Variants in CPPED1 observed in about 807,000 individuals in gnomAD.
CPPED1 encodes the protein calcineurin like phosphoesterase domain containing 1.
A neutral mutation model predicts 28.0 loss-of-function variants in CPPED1; 28 were observed. That is an observed-to-expected ratio of 1.00 (90% CI 0.74 to 1.37). CPPED1 has a LOEUF of 1.37. CPPED1 is among the 40% of genes most tolerant of loss of function. The pLI, the probability that CPPED1 is intolerant of heterozygous loss-of-function variation, is 0.00. For synonymous variants in CPPED1, 198 were observed against 180.2 expected (o/e 1.10, Z -0.79); for missense variants, 504 against 416.5 (o/e 1.21, Z -1.83).
chr16:12,793,504 T>G (rs537096817), intron 1 of CPPED1, among the ~76,000 whole-genome samples: 1 of 152,330 alleles, frequency 6.6e-6, no homozygotes, highest in South Asian at 2.1e-4. Flanking sequence ...ACCAGCTACG[T>G]GACATGATGC....
chr16:12,731,696 G>A (rs1164282461), intron 2 of CPPED1, among the ~76,000 whole-genome samples: 1 of 151,366 alleles, frequency 6.6e-6, no homozygotes, highest in Non-Finnish European at 1.5e-5. Context: ...GCATTTGTCA[G>A]TTTTTCTGTG....
chr16:12,792,496 C>T (rs907694576), intron 1 of CPPED1, among the ~76,000 whole-genome samples: 8 of 152,108 alleles, frequency 5.3e-5, no homozygotes, highest in Admixed American at 5.2e-4. Context: ...GGTTGAAAAA[C>T]CCTGTTTAAG....
At chr16:12,688,193 C>T (rs11864702) in intron 3 of CPPED1, among the ~76,000 whole-genome samples, 2,268 of 151,882 alleles carry the variant, frequency 0.015, 50 homozygotes, top group African/African-American at 0.051. Context: ...ACAACACTCA[C>T]ACAATCTTAA....
At chr16:12,673,727 T>G (rs1309571325) in intron 3 of CPPED1, among the ~76,000 whole-genome samples, 1 of 152,060 alleles carries the variant, frequency 6.6e-6, no homozygotes, top group African/African-American at 2.4e-5. Context: ...TTCTTAAGAG[T>G]AGCAAAGATG....
At chr16:12,683,200 G>C (rs2079914894) in intron 3 of CPPED1, among the ~76,000 whole-genome samples, 1 of 152,086 alleles carries the variant, frequency 6.6e-6, no homozygotes, top group Non-Finnish European at 1.5e-5. Context: ...TGAATAACTG[G>C]GCCAAGAAAA....
chr16:12,794,535 C>CAT (rs1035951992), intron 1 of CPPED1, among the ~76,000 whole-genome samples: 10 of 145,164 alleles, frequency 6.9e-5, no homozygotes, highest in African/African-American at 2.3e-4. Flanking sequence ...GTACAGGTTG[C>CAT]ATATCTCTTA....
chr16:12,800,997 C>T (rs943432044), intron 1 of CPPED1, among the ~76,000 whole-genome samples: 1 of 152,202 alleles, frequency 6.6e-6, no homozygotes, highest in South Asian at 2.1e-4. Context: ...CCTCTGAGAG[C>T]ATGTAACTTG....
At chr16:12,677,044 G>A (rs12930451) in intron 3 of CPPED1, among the ~76,000 whole-genome samples, 93,749 of 152,034 alleles carry the variant, frequency 0.62, 33,604 homozygotes, top group Non-Finnish European at 0.82. Context: ...GGAATATCAC[G>A]AGCGAGTGAA....
chr16:12,701,934 G>A (rs2080022925), intron 3 of CPPED1, among the ~76,000 whole-genome samples: 1 of 151,804 alleles, frequency 6.6e-6, no homozygotes, highest in Non-Finnish European at 1.5e-5. Context: ...TAACCCCCCT[G>A]TTTTCTCATG....
intron 2 of CPPED1, among the ~76,000 whole-genome samples, chr16:12,741,699 G>A (rs907908871): frequency 4.1e-4 from 63 of 152,270 alleles, no homozygotes; most frequent in Middle Eastern, 3.4e-3. Context: ...GTATATGATG[G>A]TAATCACCAT....
intron 2 of CPPED1, among the ~76,000 whole-genome samples, chr16:12,769,973 T>G (rs2080460512): frequency 6.6e-6 from 1 of 152,182 alleles, no homozygotes; most frequent in Non-Finnish European, 1.5e-5. Context: ...GTGATTTAAC[T>G]GAGCCTCTTT....
At chr16:12,799,630 G>A (rs1453364129) in intron 1 of CPPED1, among the ~76,000 whole-genome samples, 1 of 152,234 alleles carries the variant, frequency 6.6e-6, no homozygotes, top group Non-Finnish European at 1.5e-5. Context: ...GGCCTCTGAT[G>A]CCTCTAAGGG....
In CPPED1 at chr16:12,800,631, T is replaced by C. The variant is rs140299542; in HGVS notation, c.70+3076A>G. Among the ~76,000 whole-genome samples, 12 of 152,298 alleles carry C rather than the reference T, an allele frequency of 7.9e-5. No homozygotes were observed. The East Asian group carries it at 1.2e-3, about 15-fold the overall frequency. ...ATCCTTGCTTCCTCACACATCCAGC[T>C]TGAAACCTCTTGATGCTATTAGGAC... On this transcript the variant is annotated intron_variant, in intron 1 of 3. Transcript: ENST00000381774.
intron 2 of CPPED1, among the ~76,000 whole-genome samples, chr16:12,737,653 C>T (rs951807674): frequency 1.3e-5 from 2 of 152,192 alleles, no homozygotes; most frequent in African/African-American, 4.8e-5. Context: ...GAGCAGCTTA[C>T]TCTTGCCCCC....
At chr16:12,740,955 G>A (rs2080252252) in intron 2 of CPPED1, among the ~76,000 whole-genome samples, 1 of 152,096 alleles carries the variant, frequency 6.6e-6, no homozygotes, top group African/African-American at 2.4e-5. Flanking sequence ...CAGCTTTCCC[G>A]GCTGATCACA....
chr16:12,736,247 A>ATTTTTT (rs35834753), intron 2 of CPPED1, among the ~76,000 whole-genome samples: 1 of 142,200 alleles, frequency 7.0e-6, no homozygotes, highest in South Asian at 2.3e-4. Flanking sequence ...ACACCTTTGG[A>ATTTTTT]TTTTTTTTTT....
chr16:12,708,022 C>T (rs1025396207), intron 2 of CPPED1, among the ~76,000 whole-genome samples: 2 of 152,154 alleles, frequency 1.3e-5, no homozygotes, highest in African/African-American at 2.4e-5. Flanking sequence ...TGGCATACAC[C>T]TGTTGTCCCA....
rs374350987 is a variant in CPPED1, at chr16:12,803,841, G to C, written c.-65C>G. 12 of 1,467,072 alleles carry C rather than the reference G, an allele frequency of 8.2e-6. No homozygotes were observed. In the African/African-American group the frequency reaches 8.6e-5, roughly 11 times the overall value. 90.9% of individuals were successfully genotyped at this position (1,467,072 alleles called of 1,614,324 possible). Reference sequence around the variant, plus strand: ...GGTGGAAGCCGCGCGACTTCACACAGAACAACCGCTGGACCTGTCCCGCTT... The same window carrying C: ...GGTGGAAGCCGCGCGACTTCACACACAACAACCGCTGGACCTGTCCCGCTT... On this transcript the variant is annotated 5_prime_UTR_variant, in exon 1 of 4. Transcript: ENST00000381774.
chr16:12,767,681 G>C (rs937683834), intron 2 of CPPED1, among the ~76,000 whole-genome samples: 3 of 152,176 alleles, frequency 2.0e-5, no homozygotes, highest in Non-Finnish European at 2.9e-5. Flanking sequence ...TGCCCTACTG[G>C]GGTGCAGTGG....
Sources: allele counts gnomAD v4.1 joint callset (sites outside exome capture counted in the v4.1 genomes callset), GRCh38; gene constraint gnomAD v4.1.1; transcripts MANE v1.5; gene names NCBI Gene and HGNC (gene_info 2026-07-23, HGNC 2026-07-21).